Variants in INPP4B observed in about 807,000 individuals in gnomAD.
INPP4B encodes the protein inositol polyphosphate-4-phosphatase type II B.
A neutral mutation model predicts 122.5 loss-of-function variants in INPP4B; 55 were observed. The observed-to-expected ratio is 0.45, with a 90% CI of 0.36 to 0.56. INPP4B has a LOEUF of 0.56. Ranked by LOEUF, INPP4B falls within the 20% of genes least tolerant of loss-of-function variation. INPP4B has a pLI of 0.00. For synonymous variants in INPP4B, 403 were observed against 388.7 expected, an observed-to-expected ratio of 1.04 and a Z score of -0.43; for missense variants, 1,000 against 1,097.7, an observed-to-expected ratio of 0.91 and a Z score of 1.26.
At chr4:142,449,015 A>G in intron 3 of INPP4B, among the ~76,000 whole-genome samples, 1 of 152,234 alleles carries the variant, frequency 6.6e-6, no homozygotes, top group East Asian at 1.9e-4. Flanking sequence ...GTTTCTGCCC[A>G]GGAAAACCAA....
rs180945448 is a variant in INPP4B, at chr4:142,301,675, C to A, written c.503+3783G>T. Among the ~76,000 whole-genome samples the A allele has an allele frequency of 1.3e-3, 193 of 152,216 alleles. 1 individual carries two copies. Among genetic ancestry groups the A allele is most frequent in the African/African-American group, 4.5e-3 (188 of 41,526 alleles). On this transcript the variant is annotated intron_variant, in intron 9 of 25. Coordinates refer to ENST00000262992, the MANE Select transcript of INPP4B (RefSeq NM_001101669.3). ...TAACATCAATGGGAAAATATTAACT[C>A]TACCCCTGTACTTAAGAATATAAAA...
At chr4:142,672,807 G>C (rs1822363) in intron 2 of INPP4B, among the ~76,000 whole-genome samples, 1 of 151,958 alleles carries the variant, frequency 6.6e-6, no homozygotes, top group Admixed American at 6.6e-5. Flanking sequence ...AAATCTTTAC[G>C]TAATCAAAAG....
chr4:142,430,998 C>T (rs1208340558), intron 4 of INPP4B, among the ~76,000 whole-genome samples, 171 bp downstream of exon 4: 2 of 152,138 alleles, frequency 1.3e-5, no homozygotes, highest in African/African-American at 2.4e-5. Context: ...ATATCATACA[C>T]TCATGCCACC....
At chr4:142,694,461 A>T (rs1760736750) in intron 2 of INPP4B, among the ~76,000 whole-genome samples, 2 of 152,144 alleles carry the variant, frequency 1.3e-5, no homozygotes, top group Non-Finnish European at 2.9e-5. Context: ...ATCTTTAATA[A>T]ATAAAGCTAA....
At chr4:142,594,016 T>A (rs1482070441) in intron 2 of INPP4B, among the ~76,000 whole-genome samples, 1 of 152,172 alleles carries the variant, frequency 6.6e-6, no homozygotes, top group African/African-American at 2.4e-5. Context: ...GTATACATTT[T>A]ATTGGTATGC....
chr4:142,248,146 T>C (rs1729882506), intron 11 of INPP4B, among the ~76,000 whole-genome samples: 1 of 151,974 alleles, frequency 6.6e-6, no homozygotes, highest in African/African-American at 2.4e-5. Flanking sequence ...ACCACCCCCA[T>C]CCCAAGATCA....
chr4:142,485,192 G>A (rs1239503289), intron 2 of INPP4B, among the ~76,000 whole-genome samples: 2 of 152,080 alleles, frequency 1.3e-5, no homozygotes, highest in African/African-American at 4.8e-5. Flanking sequence ...AGGCCAGAAA[G>A]CTGAGAGAAG....
intron 1 of INPP4B, among the ~76,000 whole-genome samples, chr4:142,758,861 G>A (rs141961236): frequency 7.5e-4 from 114 of 151,556 alleles, no homozygotes; most frequent in African/African-American, 2.7e-3. Context: ...GCTGCGGCAC[G>A]AGACTCGCTT....
intron 7 of INPP4B, among the ~76,000 whole-genome samples, chr4:142,330,520 C>G (rs530153629): frequency 2.0e-5 from 3 of 152,168 alleles, no homozygotes; most frequent in African/African-American, 4.8e-5. Flanking sequence ...CATACACACA[C>G]GCATATGTGC....
In INPP4B at chr4:142,235,170, G is replaced by T. The variant is rs1397699095; in HGVS notation, c.836+2694C>A. 8.5e-5 allele frequency among the ~76,000 whole-genome samples: 13 copies of T among 152,150 alleles called. No individual in the cohort carries two copies. In the South Asian group the frequency reaches 2.7e-3, roughly 32 times the overall value. On this transcript the variant is annotated intron_variant, in intron 12 of 25. Coordinates refer to ENST00000262992, the MANE Select transcript of INPP4B (RefSeq NM_001101669.3). ...GCAGACAAGCAGTAGAAAGACAGCGGCTCATCCTTTAAGAGGTTTCTAAAC... is the reference window on the plus strand; with the variant it reads ...GCAGACAAGCAGTAGAAAGACAGCGTCTCATCCTTTAAGAGGTTTCTAAAC...
At chr4:142,405,117 G>T in intron 6 of INPP4B, 89 bp downstream of exon 6, 1 of 696,020 alleles carries the variant, frequency 1.4e-6, no homozygotes, top group Non-Finnish European at 2.5e-6. Flanking sequence ...TGGGGCGGGG[G>T]TGGGGGGGAG....
intron 9 of INPP4B, among the ~76,000 whole-genome samples, chr4:142,290,649 C>G (rs551974264): frequency 9.9e-5 from 15 of 152,276 alleles, no homozygotes; most frequent in African/African-American, 3.4e-4. Context: ...AACACTACCA[C>G]CACCACCATT....
chr4:142,139,460 C>A (rs548378119), intron 18 of INPP4B, among the ~76,000 whole-genome samples: 1 of 152,092 alleles, frequency 6.6e-6, no homozygotes, highest in East Asian at 1.9e-4. Context: ...GCGCGTGCTA[C>A]CATGTTCAGT....
intron 2 of INPP4B, among the ~76,000 whole-genome samples, chr4:142,560,137 T>C (rs1730130037): frequency 6.6e-6 from 1 of 152,204 alleles, no homozygotes; most frequent in Non-Finnish European, 1.5e-5. Context: ...TCTATTGAGA[T>C]TGCTATGGAA....
chr4:142,160,657 G>A (rs567523321), intron 16 of INPP4B, 96 bp from the exon 17 acceptor site: 20 of 787,294 alleles, frequency 2.5e-5, no homozygotes, highest in Middle Eastern at 3.6e-4. Flanking sequence ...TACTTAAGTG[G>A]TGTGTATGGT....
chr4:142,657,169 C>T (rs778101710), intron 2 of INPP4B, among the ~76,000 whole-genome samples: 1 of 151,932 alleles, frequency 6.6e-6, no homozygotes, highest in African/African-American at 2.4e-5. Flanking sequence ...ATTAATTTGG[C>T]CTAAAGAAAA....
At chr4:142,074,159 G>C (rs939973625) in intron 25 of INPP4B, among the ~76,000 whole-genome samples, 27 of 152,000 alleles carry the variant, frequency 1.8e-4, no homozygotes, top group Admixed American at 1.2e-3. Context: ...TCCTGAAACA[G>C]TGTCTTCTAA....
chr4:142,507,156 T>G (rs530739542), intron 2 of INPP4B, among the ~76,000 whole-genome samples: 8 of 152,310 alleles, frequency 5.3e-5, no homozygotes, highest in Admixed American at 4.6e-4. Flanking sequence ...CCATTGATCA[T>G]ACAGTATTAT....
chr4:142,767,146 G>A (rs142258955), intron 1 of INPP4B, among the ~76,000 whole-genome samples: 1 of 152,112 alleles, frequency 6.6e-6, no homozygotes, highest in Admixed American at 6.5e-5. Flanking sequence ...TTTTAAAAAT[G>A]GAGCTTTTGA....
Sources: allele counts gnomAD v4.1 joint callset (sites outside exome capture counted in the v4.1 genomes callset), GRCh38; gene constraint gnomAD v4.1.1; transcripts MANE v1.5; gene names NCBI Gene and HGNC (gene_info 2026-07-23, HGNC 2026-07-21).